RFFL: variants seen among roughly 807,000 people sequenced by gnomAD.
RFFL encodes ring finger and FYVE like domain containing E3 ubiquitin protein ligase, also known as E3 ubiquitin-protein ligase rififylin.
RFFL carries 16 observed loss-of-function variants against 40.4 expected under a neutral mutation model. The observed-to-expected ratio is 0.40, with a 90% confidence interval of 0.27 to 0.60. The LOEUF (loss-of-function observed/expected upper bound fraction) is 0.60. Ranked by LOEUF, RFFL falls within the 20% of genes least tolerant of loss-of-function variation. The pLI, the probability that RFFL is intolerant of heterozygous loss-of-function variation, is 0.47. For missense variants in RFFL, 367 were observed against 451.7 expected, an observed-to-expected ratio of 0.81 and a Z score of 1.70; for synonymous variants, 154 against 167.9, an observed-to-expected ratio of 0.92 and a Z score of 0.64.
At chr17:35,055,711 TAATC>T (rs2091257418) in intron 1 of RFFL, among the ~76,000 whole-genome samples, 3 of 151,518 alleles carry the variant, frequency 2.0e-5, no homozygotes, top group Admixed American at 2.0e-4. Context: ...AAAAAAACAT[TAATC>T]AGGCTGGATT....
rs1488545592 is a variant in RFFL, at chr17:35,008,335, A to G, written c.*3633T>C. On this transcript the variant is annotated 3_prime_UTR_variant, in exon 7 of 7. Transcript: ENST00000394597. The stretch of plus-strand genomic sequence containing the variant: ...GGTCTTGAGCAAGTTAGTTAGTTAC[A>G]ACAACACTGAGCATCTTGACCAAGG... 1 of 152,232 alleles carries G rather than the reference A, an allele frequency of 6.6e-6. No homozygotes were observed. The allele number at this position is 152,232 out of a possible 1,614,324, so 9.4% of individuals were successfully genotyped here.
intron 1 of RFFL, among the ~76,000 whole-genome samples, chr17:35,039,957 G>A (rs1339012938): frequency 1.3e-5 from 2 of 152,092 alleles, no homozygotes; most frequent in Non-Finnish European, 2.9e-5. Context: ...TTACAGGCAT[G>A]AGCCACCGCA....
chr17:35,014,473 A>G (rs796396859), intron 6 of RFFL, among the ~76,000 whole-genome samples: 10 of 152,294 alleles, frequency 6.6e-5, no homozygotes, highest in East Asian at 1.9e-4. Context: ...AGTGTTTTAC[A>G]AATGTTGGCT....
intron 1 of RFFL, among the ~76,000 whole-genome samples, chr17:35,077,787 A>G (rs2091384383): frequency 6.6e-6 from 1 of 152,188 alleles, no homozygotes; most frequent in African/African-American, 2.4e-5. Flanking sequence ...GTGTTAGTGT[A>G]TTTTATGTGT....
chr17:35,053,167 A>G (rs16970590), intron 1 of RFFL, among the ~76,000 whole-genome samples: 3,833 of 152,316 alleles, frequency 0.025, 168 homozygotes, highest in African/African-American at 0.087. Flanking sequence ...AGGAGCTGGA[A>G]GAAACTCAAA....
chr17:35,034,900 T>C (rs2091110730), intron 1 of RFFL, among the ~76,000 whole-genome samples: 1 of 152,166 alleles, frequency 6.6e-6, no homozygotes, highest in African/African-American at 2.4e-5. Context: ...GACTAGGTCT[T>C]TGTCCCGAGG....
At chr17:35,069,409 G>A in intron 1 of RFFL, 2 of 450,978 alleles carry the variant, frequency 4.4e-6, no homozygotes, top group East Asian at 7.0e-5. Context: ...TCTTCAACCT[G>A]GTTTCTGCAG....
intron 6 of RFFL, among the ~76,000 whole-genome samples, chr17:35,012,684 C>G (rs1875663673): frequency 6.6e-6 from 1 of 152,242 alleles, no homozygotes; most frequent in African/African-American, 2.4e-5. Context: ...TGCTATCTCA[C>G]AAACTACTCC....
chr17:35,019,537 C>G (rs1319846830), intron 3 of RFFL, among the ~76,000 whole-genome samples: 1 of 152,052 alleles, frequency 6.6e-6, no homozygotes, highest in Non-Finnish European at 1.5e-5. Flanking sequence ...CCACGCCCAG[C>G]TAATTTTTGT....
At position 35,008,466 on chromosome 17, in the gene RFFL, C is replaced by A. The variant is rs1366637333; in HGVS notation, c.*3502G>T. The A allele has an allele frequency of 6.6e-6, 1 of 151,582 alleles. No homozygotes were observed. Among genetic ancestry groups the A allele is most frequent in the African/African-American group, 2.4e-5 (1 of 41,206 alleles). The allele number at this position is 151,582 out of a possible 1,614,324, so 9.4% of individuals were successfully genotyped here. A position where few individuals can be genotyped will look rare whatever the true frequency, so the allele number is the denominator to read the frequency against. The stretch of plus-strand genomic sequence containing the variant: ...TTTTTTTTTTTAATACAGGGTCTCA[C>A]TCTGTCACCCTGGCTGGAGTGCGGT... On this transcript the variant is annotated 3_prime_UTR_variant, in exon 7 of 7. Transcript: ENST00000394597.
Position 35,008,666 on chromosome 17 carries a change from C to T in RFFL, c.*3302G>A, listed in dbSNP as rs577604656. The T allele has an allele frequency of 6.6e-6, 1 of 152,170 alleles. No homozygotes were observed. Among genetic ancestry groups the T allele is most frequent in the Non-Finnish European group, 1.5e-5 (1 of 68,052 alleles). The allele number at this position is 152,170 out of a possible 1,614,324, so 9.4% of individuals were successfully genotyped here. A position where few individuals can be genotyped will look rare whatever the true frequency, so the allele number is the denominator to read the frequency against. On this transcript the variant is annotated 3_prime_UTR_variant, in exon 7 of 7. Transcript: ENST00000394597. ...TTGTTTTTTGAGACAGAGTCTCGCT[C>T]TTTCGCCCAGGCCGGACTGCAGTGG...
Position 35,073,029 on chromosome 17 carries a change from G to C in RFFL, c.-9+16076C>G, listed in dbSNP as rs1453196335. 3.2e-5 allele frequency among the ~76,000 whole-genome samples: 4 copies of C among 126,928 alleles called. No homozygotes were observed. In the East Asian group the frequency reaches 6.2e-4, roughly 20 times the overall value. The allele number at this position is 126,928 out of a possible 152,430, so 83.3% of individuals were successfully genotyped here. A position where few individuals can be genotyped will look rare whatever the true frequency, so the allele number is the denominator to read the frequency against. ...TTTCACTCCAGCTTGGGCAACAAGA[G>C]TGAAACTCCGTCTCAAAAAAAAAAA... On this transcript the variant is annotated intron_variant, in intron 1 of 6. Transcript: ENST00000315249.
intron 1 of RFFL, among the ~76,000 whole-genome samples, chr17:35,059,208 G>A (rs1431032205): frequency 3.3e-5 from 5 of 151,766 alleles, no homozygotes; most frequent in African/African-American, 7.3e-5. Context: ...TAGTAGAGAC[G>A]GGGTTTCACC....
chr17:35,014,744 TTGG>T lies in RFFL; in HGVS notation c.903_905del (p.Asp301_Gln302delinsGlu). 1 of 1,613,806 alleles carries T rather than the reference TTGG, an allele frequency of 6.2e-7. No homozygotes were observed. ...CAAACAGAAACAACTACATACCGTT[TTGG>T]TCTTCGGCACCACTGACTGAAAAGG... On this transcript the variant is annotated inframe_deletion, in exon 6 of 7. Transcript: ENST00000394597.
Position 35,087,351 on chromosome 17 carries a change from C to CA in RFFL, c.-9+1753dup, listed in dbSNP as rs751264851. 3.4e-3 allele frequency among the ~76,000 whole-genome samples: 447 copies of CA among 131,010 alleles called. 1 individual carries two copies. Among genetic ancestry groups the CA allele is most frequent in the African/African-American group, 8.1e-3 (287 of 35,294 alleles). The allele number at this position is 131,010 out of a possible 152,430, so 85.9% of individuals were successfully genotyped here. A position where few individuals can be genotyped will look rare whatever the true frequency, so the allele number is the denominator to read the frequency against. On this transcript the variant is annotated intron_variant, in intron 1 of 6. Coordinates refer to the RFFL transcript ENST00000315249. ...GAGTGACAGAGTGAGACTCTGTCTC[C>CA]AAAAAAAAAAAAGGTGTTCCTATTA...
chr17:35,031,537 G>C (rs2091083165), intron 1 of RFFL, among the ~76,000 whole-genome samples: 1 of 152,058 alleles, frequency 6.6e-6, no homozygotes, highest in African/African-American at 2.4e-5. Flanking sequence ...TCATGGTCTA[G>C]TCAGGGTACT....
intron 1 of RFFL, among the ~76,000 whole-genome samples, chr17:35,075,552 T>C (rs1346331385): frequency 2.0e-5 from 3 of 152,202 alleles, no homozygotes; most frequent in Non-Finnish European, 4.4e-5. Flanking sequence ...CAGTGCAAAG[T>C]CCAGACACAG....
rs2090939139 is a variant in RFFL, at chr17:35,011,657, A to G, written c.*311T>C. 1 of 301,000 alleles carries G rather than the reference A, an allele frequency of 3.3e-6. No homozygotes were observed. The highest frequency in any genetic ancestry group is 2.1e-5 in the African/African-American group (1 of 47,062). The allele number at this position is 301,000 out of a possible 1,614,324, so 18.6% of individuals were successfully genotyped here. ...AGGAGGGGTGAAACTGTCTAGGTTCAGGGAGGAAGACAGGACCCAAGTTCT... is the reference window on the plus strand; with the variant it reads ...AGGAGGGGTGAAACTGTCTAGGTTCGGGGAGGAAGACAGGACCCAAGTTCT... On this transcript the variant is annotated 3_prime_UTR_variant, in exon 7 of 7. Coordinates refer to ENST00000394597, the MANE Select transcript of RFFL (RefSeq NM_001017368.2).
chr17:35,028,577 C>T (rs757769030), intron 1 of RFFL, among the ~76,000 whole-genome samples: 1 of 152,000 alleles, frequency 6.6e-6, no homozygotes, highest in Admixed American at 6.5e-5. Flanking sequence ...ATACTTTGAG[C>T]CTGAACTCTT....
Sources: gnomAD v4.1 joint callset for allele counts (sites outside exome capture counted in the v4.1 genomes callset) on GRCh38, gnomAD v4.1.1 for gene constraint, MANE v1.5 for transcripts, NCBI Gene and HGNC (gene_info 2026-07-23, HGNC 2026-07-21) for gene names.